The following SLX4IP variants were observed in gnomAD, a reference collection of about 807,000 sequenced individuals.
SLX4IP encodes the protein protein SLX4IP.
In SLX4IP, 34 loss-of-function variants were observed where a neutral mutation model predicts 32.9. That is an observed-to-expected ratio of 1.03 (90% confidence interval 0.79 to 1.38). The LOEUF is 1.38. Among genes scored for constraint, SLX4IP ranks in the 40% most tolerant of loss-of-function variants. SLX4IP has a pLI of 0.00. For missense variants in SLX4IP, 444 were observed against 479.0 expected (o/e 0.93, Z 0.68); for synonymous variants, 172 against 171.7 (o/e 1.00, Z -0.01).
intron 2 of SLX4IP, among the ~76,000 whole-genome samples, chr20:10,462,621 C>T (rs940442856): frequency 9.2e-5 from 14 of 152,282 alleles, no homozygotes; most frequent in African/African-American, 3.4e-4. Context: ...ATGTAGAAAA[C>T]ACTTCCCTTC....
chr20:10,602,193 A>C (rs1489551618), intron 6 of SLX4IP, among the ~76,000 whole-genome samples: 5 of 152,184 alleles, frequency 3.3e-5, no homozygotes, highest in Non-Finnish European at 5.9e-5. Context: ...GTGGCTTTTA[A>C]ATTTTATTCC....
At chr20:10,612,329 C>T (rs2066976245) in intron 6 of SLX4IP, among the ~76,000 whole-genome samples, 1 of 152,154 alleles carries the variant, frequency 6.6e-6, no homozygotes, top group South Asian at 2.1e-4. Flanking sequence ...GACAAGCCAA[C>T]AATGAACATG....
intron 6 of SLX4IP, among the ~76,000 whole-genome samples, chr20:10,608,226 TC>T (rs1460983738): frequency 6.6e-6 from 1 of 152,164 alleles, no homozygotes; most frequent in Non-Finnish European, 1.5e-5. Flanking sequence ...CCACTGCCTC[TC>T]CCCTTATTCA....
At chr20:10,533,917 G>A (rs2066013561) in intron 2 of SLX4IP, among the ~76,000 whole-genome samples, 1 of 134,210 alleles carries the variant, frequency 7.5e-6, no homozygotes, top group Non-Finnish European at 1.6e-5. Flanking sequence ...ACTGCACCTA[G>A]CCATCTCTTA....
chr20:10,542,968 A>G (rs979221684), intron 2 of SLX4IP, among the ~76,000 whole-genome samples: 1 of 152,216 alleles, frequency 6.6e-6, no homozygotes, highest in Non-Finnish European at 1.5e-5. Context: ...ACCAGGGTCG[A>G]GGAAAAAGTT....
intron 2 of SLX4IP, among the ~76,000 whole-genome samples, chr20:10,549,421 C>A (rs2066196525): frequency 6.6e-6 from 1 of 152,094 alleles, no homozygotes; most frequent in Non-Finnish European, 1.5e-5. Context: ...AGCTGTGGGA[C>A]CCTGTTGAGA....
intron 7 of SLX4IP, among the ~76,000 whole-genome samples, chr20:10,622,365 A>T (rs2067121252): frequency 6.6e-6 from 1 of 152,204 alleles, no homozygotes; most frequent in Admixed American, 6.5e-5. Flanking sequence ...TTAACATTGG[A>T]AATGAATACC....
intron 6 of SLX4IP, among the ~76,000 whole-genome samples, chr20:10,612,086 A>G (rs2066973962): frequency 6.6e-6 from 1 of 152,158 alleles, no homozygotes; most frequent in Non-Finnish European, 1.5e-5. Context: ...TGGGGACCAG[A>G]TGAGATGTTG....
chr20:10,493,804 ATG>A (rs2122401132), intron 2 of SLX4IP, among the ~76,000 whole-genome samples: 1 of 136,378 alleles, frequency 7.3e-6, no homozygotes, highest in African/African-American at 2.8e-5. Context: ...CTTTGCAACT[ATG>A]TTGTCTTGAA....
intron 2 of SLX4IP, among the ~76,000 whole-genome samples, chr20:10,470,679 C>G (rs1370303261): frequency 2.6e-5 from 4 of 152,146 alleles, no homozygotes; most frequent in African/African-American, 9.7e-5. Flanking sequence ...AGTGGAATAG[C>G]ATTATATAGA....
intron 2 of SLX4IP, among the ~76,000 whole-genome samples, chr20:10,528,609 G>T (rs911646093): frequency 4.6e-5 from 7 of 152,096 alleles, no homozygotes; most frequent in African/African-American, 1.7e-4. Context: ...GGAATGTGTT[G>T]TCATTATATC....
chr20:10,467,963 C>T (rs533803256), intron 2 of SLX4IP, among the ~76,000 whole-genome samples: 2 of 152,176 alleles, frequency 1.3e-5, no homozygotes, highest in East Asian at 3.9e-4. Flanking sequence ...CTAGTCTGTT[C>T]TTTTTTTGGA....
In SLX4IP at chr20:10,626,432, G is replaced by T. The variant is rs140802686; in HGVS notation, c.*3053G>T. 2.6e-5 allele frequency: 4 copies of T among 151,970 alleles called. No individual in the cohort carries two copies. The highest frequency in any genetic ancestry group is 9.7e-5 in the African/African-American group (4 of 41,370). The allele number at this position is 151,970 out of a possible 1,614,324, so 9.4% of individuals were successfully genotyped here. On this transcript the variant is annotated 3_prime_UTR_variant, in exon 8 of 8. Transcript: ENST00000334534. Reference sequence around the variant, plus strand: ...AAGAACAAGTTCTTCAACCACTTGCGTAGTACCCCAAATTATATTCAAGTC... The same window carrying T: ...AAGAACAAGTTCTTCAACCACTTGCTTAGTACCCCAAATTATATTCAAGTC...
At chr20:10,613,135 G>A (rs574745576) in intron 6 of SLX4IP, 33 of 417,488 alleles carry the variant, frequency 7.9e-5, no homozygotes, top group African/African-American at 6.5e-4. Context: ...CTAGATAAGA[G>A]TGCTGTGTAC....
intron 1 of SLX4IP, among the ~76,000 whole-genome samples, chr20:10,440,220 C>T (rs948187134): frequency 2.6e-5 from 4 of 151,464 alleles, no homozygotes; most frequent in African/African-American, 4.8e-5. Flanking sequence ...TTTGGGAGGC[C>T]GAGGCTGGCG....
intron 2 of SLX4IP, among the ~76,000 whole-genome samples, chr20:10,522,208 C>T (rs889265762): frequency 4.6e-5 from 7 of 152,148 alleles, no homozygotes; most frequent in African/African-American, 7.2e-5. Context: ...AGAAAATGCA[C>T]GTTGTGTTGC....
intron 7 of SLX4IP, among the ~76,000 whole-genome samples, chr20:10,621,918 C>T (rs7270364): frequency 0.12 from 18,004 of 152,130 alleles, 1,299 homozygotes; most frequent in South Asian, 0.29. Context: ...CTGAAGTTAA[C>T]ATCTTTAGTC....
intron 4 of SLX4IP, among the ~76,000 whole-genome samples, chr20:10,580,077 C>T (rs188285013): frequency 5.3e-4 from 81 of 152,246 alleles, no homozygotes; most frequent in African/African-American, 1.9e-3. Context: ...TAAAAGTTAT[C>T]CTCATTATAG....
At chr20:10,593,903 A>G (rs1244456141) in intron 4 of SLX4IP, among the ~76,000 whole-genome samples, 4 of 152,262 alleles carry the variant, frequency 2.6e-5, no homozygotes, top group Non-Finnish European at 5.9e-5. Context: ...GATCCGATTC[A>G]AAGGAAAATC....
Sources: allele counts gnomAD v4.1 joint callset (sites outside exome capture counted in the v4.1 genomes callset), GRCh38; gene constraint gnomAD v4.1.1; transcripts MANE v1.5; gene names NCBI Gene and HGNC (gene_info 2026-07-23, HGNC 2026-07-21).